Variants in GTPBP1 observed in about 807,000 individuals in gnomAD.
GTPBP1 encodes GTP-binding protein 1.
In GTPBP1, 23 loss-of-function variants were observed where a neutral mutation model predicts 62.0. The ratio of observed to expected loss-of-function variants is 0.37; its 90% CI spans 0.27 to 0.53. The LOEUF is 0.53. Among genes scored for constraint, GTPBP1 ranks in the 20% least tolerant of loss-of-function variants. The pLI, the probability that GTPBP1 is intolerant of heterozygous loss-of-function variation, is 0.89. For synonymous variants in GTPBP1, 344 were observed against 364.4 expected (o/e 0.94, Z 0.64); for missense variants, 640 against 917.3 (o/e 0.70, Z 3.90).
downstream of GTPBP1, chr22:38,740,270 G>T: frequency 6.3e-7 from 1 of 1,585,376 alleles, no homozygotes; most frequent in Non-Finnish European, 8.6e-7. This position sits in a 1 kb window ranked among gnomAD's most constrained non-coding sequence, Gnocchi z 4.8. Flanking sequence ...CACTCACGTC[G>T]TCCCGCACGG....
chr22:38,717,886 C>T (rs942293989), intron 4 of GTPBP1, among the ~76,000 whole-genome samples: 1 of 152,166 alleles, frequency 6.6e-6, no homozygotes, highest in African/African-American at 2.4e-5. Context: ...ACACATGCCT[C>T]GAGTGTTCCC....
Position 38,721,891 on chromosome 22 carries a change from A to G in GTPBP1, c.958+26A>G, listed in dbSNP as rs765850270. The G allele has an allele frequency of 1.9e-6, 3 of 1,551,700 alleles. No homozygotes were observed. The African/African-American group carries it at 4.1e-5, about 21-fold the overall frequency. On this transcript the variant is annotated intron_variant, in intron 5 of 11. Coordinates refer to ENST00000216044, the MANE Select transcript of GTPBP1 (RefSeq NM_004286.5). ...GTAAGTGAAGCCTCCAGCTAGCAGCAGCCCCTCTGATTGGGGCTGTCACCT... is the reference window on the plus strand; with the variant it reads ...GTAAGTGAAGCCTCCAGCTAGCAGCGGCCCCTCTGATTGGGGCTGTCACCT...
At position 38,716,566 on chromosome 22, in the gene GTPBP1, G is replaced by A. The variant is rs1447483433; in HGVS notation, c.486-86G>A. ...GGGATCGGGGCAAGCCTGGACTTGC[G>A]GATCCAATTACTGGGGTTATGATGG... On this transcript the variant is annotated intron_variant, in intron 3 of 11. Coordinates refer to ENST00000216044, the MANE Select transcript of GTPBP1 (RefSeq NM_004286.5). This position sits in a 1 kb window ranked among gnomAD's most constrained non-coding sequence, Gnocchi z 5.2. 10 of 985,070 alleles carry A rather than the reference G, an allele frequency of 1.0e-5. No homozygotes were observed. Among genetic ancestry groups the A allele is most frequent in the East Asian group, 5.2e-5 (2 of 38,206 alleles). The allele number at this position is 985,070 out of a possible 1,614,324, so 61.0% of individuals were successfully genotyped here.
At chr22:38,734,677 CAAG>C (rs2092785440), downstream of GTPBP1, 1 of 198,268 alleles carries the variant, frequency 5.0e-6, no homozygotes, top group African/African-American at 2.4e-5. Context: ...CTCATCTGCC[CAAG>C]AGCAGCTGCC....
At chr22:38,724,885 A>G (rs1431552508) in intron 6 of GTPBP1, among the ~76,000 whole-genome samples, 1 of 152,192 alleles carries the variant, frequency 6.6e-6, no homozygotes, top group Non-Finnish European at 1.5e-5. Flanking sequence ...TCATTAATGT[A>G]TTCTTTCATT....
downstream of GTPBP1, chr22:38,740,414 G>GA: frequency 1.3e-6 from 2 of 1,553,096 alleles, no homozygotes; most frequent in South Asian, 2.4e-5. The surrounding 1 kb of genome is among the most constrained non-coding windows in gnomAD (Gnocchi z 4.8). Context: ...AGCTCTCCTG[G>GA]AAGGACTCCT....
intron 4 of GTPBP1, among the ~76,000 whole-genome samples, chr22:38,719,940 T>A (rs531670511): frequency 2.0e-3 from 300 of 149,972 alleles, no homozygotes; most frequent in Middle Eastern, 3.4e-3. Context: ...TTTTTTTTTT[T>A]TTTTTTGAGA....
At chr22:38,741,248 T>C (rs2092854943), downstream of GTPBP1, among the ~76,000 whole-genome samples, 1 of 152,172 alleles carries the variant, frequency 6.6e-6, no homozygotes, top group East Asian at 1.9e-4. Context: ...CTGAGGTATC[T>C]GTTCACCCAC....
downstream of GTPBP1, chr22:38,734,393 G>T: frequency 4.9e-6 from 2 of 405,546 alleles, no homozygotes; most frequent in South Asian, 3.6e-5. Context: ...GGACGTGGCT[G>T]GTAGGTAAGT....
At chr22:38,707,606 CAA>C (rs1245797445) in intron 1 of GTPBP1, among the ~76,000 whole-genome samples, 3 of 152,166 alleles carry the variant, frequency 2.0e-5, no homozygotes, top group African/African-American at 7.2e-5. Context: ...GGACCTGACT[CAA>C]GAGCAAACAA....
At chr22:38,725,933 G>T in intron 6 of GTPBP1, 73 bp from the exon 7 acceptor site, 4 of 1,429,934 alleles carry the variant, frequency 2.8e-6, no homozygotes, top group Non-Finnish European at 3.9e-6. Context: ...GCTGCCCCTG[G>T]TCTGTGTCAG....
intron 10 of GTPBP1, 36 bp downstream of exon 10, chr22:38,728,197 G>C (rs764527228): frequency 8.1e-6 from 12 of 1,474,382 alleles, no homozygotes; most frequent in Non-Finnish European, 1.0e-5. Context: ...CCTCCAGGAA[G>C]CACCAGGGGC....
intron 1 of GTPBP1, chr22:38,706,859 A>G (rs1373315065): frequency 6.6e-6 from 1 of 152,274 alleles, no homozygotes; most frequent in Admixed American, 6.5e-5. Flanking sequence ...TCGAGAAGGT[A>G]GGCAGGAATT....
At chr22:38,725,959 C>T (rs1486237819) in intron 6 of GTPBP1, 47 bp from the exon 7 acceptor site, 2 of 1,599,316 alleles carry the variant, frequency 1.3e-6, no homozygotes, top group African/African-American at 2.7e-5. Context: ...GACCTGGTCT[C>T]CTGAGTGCCT....
chr22:38,715,765 CAG>C, intron 2 of GTPBP1, 140 bp from the exon 3 acceptor site: 1 of 664,990 alleles, frequency 1.5e-6, no homozygotes, highest in Admixed American at 2.6e-5. Flanking sequence ...GGTTTTCTCT[CAG>C]GTAGAGAGGA....
At chr22:38,740,235 G>A, downstream of GTPBP1, 1 of 1,513,778 alleles carries the variant, frequency 6.6e-7, no homozygotes, top group Non-Finnish European at 8.9e-7. This position sits in a 1 kb window ranked among gnomAD's most constrained non-coding sequence, Gnocchi z 4.8. Context: ...AGGAGGAGAG[G>A]GACCAGCAGG....
Position 38,716,257 on chromosome 22 carries a change from C to G in GTPBP1, c.485+170C>G, listed in dbSNP as rs1464233824. The G allele has an allele frequency of 1.6e-6, 1 of 630,250 alleles. No individual in the cohort carries two copies. Among genetic ancestry groups the G allele is most frequent in the African/African-American group, 1.8e-5 (1 of 54,272 alleles). 39.0% of individuals were successfully genotyped at this position (630,250 alleles called of 1,614,324 possible). A position where few individuals can be genotyped will look rare whatever the true frequency, so the allele number is the denominator to read the frequency against. ...GCTCTAATTCTGCACTTCCCTGTCA[C>G]TTTGGGAAGAGCACGAGAGAGGCCA... On this transcript the variant is annotated intron_variant, in intron 3 of 11. Coordinates refer to ENST00000216044, the MANE Select transcript of GTPBP1 (RefSeq NM_004286.5). This position sits in a 1 kb window ranked among gnomAD's most constrained non-coding sequence, Gnocchi z 5.2.
At chr22:38,709,324 T>A (rs1482240621) in intron 2 of GTPBP1, among the ~76,000 whole-genome samples, 1 of 152,164 alleles carries the variant, frequency 6.6e-6, no homozygotes, top group Non-Finnish European at 1.5e-5. Context: ...AGAGCACATT[T>A]TCCCCGCTTT....
Position 38,731,010 on chromosome 22 carries a change from TTGTG to T in GTPBP1, c.*343_*346del, listed in dbSNP as rs397836314. 999 of 183,648 alleles carry T rather than the reference TTGTG, an allele frequency of 5.4e-3. 5 individuals are homozygous for T. Among genetic ancestry groups the T allele is most frequent in the African/African-American group, 0.016 (589 of 37,068 alleles). The allele number at this position is 183,648 out of a possible 1,614,324, so 11.4% of individuals were successfully genotyped here. A position where few individuals can be genotyped will look rare whatever the true frequency, so the allele number is the denominator to read the frequency against. ...TATTATATGTCTCTGTCTCTCTCTATTGTGTGTGTGTGTGTGTGTGTGTGTGTGT... is the reference window on the plus strand; with the variant it reads ...TATTATATGTCTCTGTCTCTCTCTATTGTGTGTGTGTGTGTGTGTGTGTGT... On this transcript the variant is annotated 3_prime_UTR_variant, in exon 12 of 12. Coordinates refer to ENST00000216044, the MANE Select transcript of GTPBP1 (RefSeq NM_004286.5).
Sources: gnomAD v4.1 joint callset for allele counts (sites outside exome capture counted in the v4.1 genomes callset) on GRCh38, gnomAD v4.1.1 for gene constraint, Gnocchi (gnomAD v3.1) non-coding constraint, MANE v1.5 for transcripts, NCBI Gene and HGNC (gene_info 2026-07-23, HGNC 2026-07-21) for gene names.